The following GHR variants were observed in gnomAD, a reference collection of about 807,000 sequenced individuals.
GHR encodes the protein GH receptor.
Under a neutral mutation model 67.1 loss-of-function variants are expected in GHR, and 35 were observed. The observed-to-expected ratio is 0.52, with a 90% CI of 0.40 to 0.69. The LOEUF (loss-of-function observed/expected upper bound fraction) is 0.69. Among genes scored for constraint, GHR ranks in the 30% least tolerant of loss-of-function variants. The pLI is 0.00. For synonymous variants in GHR, 272 were observed against 269.1 expected (o/e 1.01, Z -0.10); for missense variants, 792 against 764.6 (o/e 1.04, Z -0.42).
chr5:42,606,542 G>A (rs1258094936), intron 2 of GHR, among the ~76,000 whole-genome samples: 4 of 152,038 alleles, frequency 2.6e-5, no homozygotes, highest in Middle Eastern at 3.4e-3. Context: ...TTCAACAATC[G>A]GTTCTCTCGT....
intron 3 of GHR, among the ~76,000 whole-genome samples, chr5:42,643,956 G>A (rs930573693): frequency 3.9e-5 from 6 of 152,026 alleles, no homozygotes; most frequent in Non-Finnish European, 8.8e-5. Context: ...TGCATGAATT[G>A]CATTTGAGAA....
intron 1 of GHR, among the ~76,000 whole-genome samples, chr5:42,527,171 C>G (rs1747739589): frequency 6.6e-6 from 1 of 152,124 alleles, no homozygotes; most frequent in Admixed American, 6.6e-5. Context: ...ACCACAAAAG[C>G]AAGCCAGCAT....
intron 1 of GHR, among the ~76,000 whole-genome samples, chr5:42,480,703 T>C (rs545819975): frequency 6.6e-6 from 1 of 152,218 alleles, no homozygotes; most frequent in Admixed American, 6.5e-5. Flanking sequence ...GAGACTAGGA[T>C]TGCAACCCCT....
Position 42,719,658 on chromosome 5 carries a change from G to T in GHR, c.*234G>T. On this transcript the variant is annotated 3_prime_UTR_variant, in exon 10 of 10. Coordinates refer to ENST00000230882, the MANE Select transcript of GHR (RefSeq NM_000163.5). The stretch of plus-strand genomic sequence containing the variant: ...GTAAATATTTTAAAGAATTGTGTCA[G>T]ACTGTTTAGTAGCAGTGATTGTCTT... 1 of 524,920 alleles carries T rather than the reference G, an allele frequency of 1.9e-6. No homozygotes were observed. Among genetic ancestry groups the T allele is most frequent in the Non-Finnish European group, 3.5e-6 (1 of 289,046 alleles). 32.5% of individuals were successfully genotyped at this position (524,920 alleles called of 1,614,324 possible).
intron 1 of GHR, among the ~76,000 whole-genome samples, chr5:42,511,206 C>T (rs770802342): frequency 1.3e-5 from 2 of 152,152 alleles, no homozygotes; most frequent in African/African-American, 2.4e-5. Context: ...GAAGTCCTCA[C>T]GGATTTCTTC....
At chr5:42,524,493 G>A (rs1747616911) in intron 1 of GHR, among the ~76,000 whole-genome samples, 2 of 152,186 alleles carry the variant, frequency 1.3e-5, no homozygotes, top group Non-Finnish European at 1.5e-5. Context: ...GCATTTCATT[G>A]TGAAAGGGAA....
At chr5:42,630,712 T>G (rs991863961) in intron 3 of GHR, among the ~76,000 whole-genome samples, 3 of 131,856 alleles carry the variant, frequency 2.3e-5, no homozygotes, top group Non-Finnish European at 3.2e-5. Flanking sequence ...CTTTTTTCAC[T>G]CAACAGATGA....
At chr5:42,556,491 A>T (rs1375453086) in intron 1 of GHR, among the ~76,000 whole-genome samples, 2 of 152,220 alleles carry the variant, frequency 1.3e-5, no homozygotes, top group African/African-American at 4.8e-5. Context: ...ATAGTAATTT[A>T]AAAAATCAGA....
At chr5:42,715,507 C>A (rs779345270) in intron 8 of GHR, among the ~76,000 whole-genome samples, 5 of 152,264 alleles carry the variant, frequency 3.3e-5, no homozygotes, top group Non-Finnish European at 5.9e-5. Context: ...TTATTTGTAT[C>A]TGATACAAAA....
chr5:42,628,098 TCC>T (rs549121701), intron 2 of GHR, among the ~76,000 whole-genome samples: 50 of 152,198 alleles, frequency 3.3e-4, no homozygotes, highest in Non-Finnish European at 5.6e-4. Context: ...ATGTTCCTCT[TCC>T]CTCTCTCTCT....
chr5:42,627,914 G>A (rs1261261739), intron 2 of GHR, among the ~76,000 whole-genome samples: 4 of 152,044 alleles, frequency 2.6e-5, no homozygotes, highest in Non-Finnish European at 4.4e-5. Context: ...GATCATACAG[G>A]GGCTCGAAGG....
In GHR at chr5:42,423,765, GGC is replaced by G. The variant is rs1024348663; in HGVS notation, c.-201_-200del. The G allele has an allele frequency of 2.5e-5, 4 of 162,510 alleles. No homozygotes were observed. Among genetic ancestry groups the G allele is most frequent in the African/African-American group, 9.6e-5 (4 of 41,552 alleles). The allele number at this position is 162,510 out of a possible 1,614,324, so 10.1% of individuals were successfully genotyped here. A position where few individuals can be genotyped will look rare whatever the true frequency, so the allele number is the denominator to read the frequency against. ...GGCGCAGCCATGGGAAGAGGAGGAG[GGC>G]TAGGGAGCGGCGGCGGCGGCGGCAG... On this transcript the variant is annotated 5_prime_UTR_variant, in exon 1 of 10. It removes the in-frame stop codon of an upstream open reading frame in the 5' UTR. Coordinates refer to ENST00000230882, the MANE Select transcript of GHR (RefSeq NM_000163.5).
Position 42,424,341 on chromosome 5 carries a change from A to G in GHR, c.-12+386A>G. The G allele has an allele frequency of 1.7e-6, 1 of 582,226 alleles. No homozygotes were observed. Among genetic ancestry groups the G allele is most frequent in the Non-Finnish European group, 3.1e-6 (1 of 325,546 alleles). 36.1% of individuals were successfully genotyped at this position (582,226 alleles called of 1,614,324 possible). A position where few individuals can be genotyped will look rare whatever the true frequency, so the allele number is the denominator to read the frequency against. On this transcript the variant is annotated intron_variant, in intron 1 of 9. Transcript: ENST00000230882. This position sits in a 1 kb window ranked among gnomAD's most constrained non-coding sequence, Gnocchi z 4.1. ...TTTACTCCGGAGACAGTTTTGTTAA[A>G]GTCATAAAAGTTTTGCTAGTGTGTT...
chr5:42,479,628 C>T (rs1281944941), intron 1 of GHR, among the ~76,000 whole-genome samples: 1 of 151,978 alleles, frequency 6.6e-6, no homozygotes, highest in African/African-American at 2.4e-5. Flanking sequence ...ATGTATGTGT[C>T]GAGGAATTTA....
intron 1 of GHR, among the ~76,000 whole-genome samples, chr5:42,506,788 A>G (rs558383951): frequency 1.3e-5 from 2 of 152,328 alleles, no homozygotes; most frequent in South Asian, 4.1e-4. Flanking sequence ...TACCTTGACC[A>G]TAGTACATTT....
intron 5 of GHR, among the ~76,000 whole-genome samples, chr5:42,697,444 G>C (rs1399561411): frequency 2.6e-5 from 4 of 152,200 alleles, no homozygotes; most frequent in African/African-American, 7.2e-5. Flanking sequence ...AGAGGTTGCA[G>C]TGTTGAGTTT....
chr5:42,631,947 T>C (rs1013396770), intron 3 of GHR, among the ~76,000 whole-genome samples: 1 of 152,082 alleles, frequency 6.6e-6, no homozygotes, highest in Non-Finnish European at 1.5e-5. Flanking sequence ...GTATGGAGGA[T>C]GTGTTGAACA....
chr5:42,624,369 T>C (rs1372134659), intron 2 of GHR, among the ~76,000 whole-genome samples: 2 of 152,190 alleles, frequency 1.3e-5, no homozygotes, highest in Non-Finnish European at 2.9e-5. Context: ...TTACTGCTGA[T>C]GTTAGGCCTG....
Position 42,588,331 on chromosome 5 carries a change from A to G in GHR, c.70+22387A>G, listed in dbSNP as rs138600503. Among the ~76,000 whole-genome samples the G allele has an allele frequency of 2.3e-3, 343 of 152,004 alleles. 2 individuals are homozygous for G. The highest frequency in any genetic ancestry group is 7.9e-3 in the African/African-American group (328 of 41,458). ...TCAGGAGATTGAGACCATCCTGGCT[A>G]ACACAGTGAAACCCCGTCTCTACTA... On this transcript the variant is annotated intron_variant, in intron 2 of 9. Transcript: ENST00000230882.
Sources: gnomAD v4.1 joint callset for allele counts (sites outside exome capture counted in the v4.1 genomes callset) on GRCh38, gnomAD v4.1.1 for gene constraint, Gnocchi (gnomAD v3.1) non-coding constraint, MANE v1.5 for transcripts, NCBI Gene and HGNC (gene_info 2026-07-23, HGNC 2026-07-21) for gene names.